The following VWA3B variants were observed in gnomAD, a reference collection of about 807,000 sequenced individuals.
The protein encoded by VWA3B is von Willebrand factor A domain-containing protein 3B.
In VWA3B, 138 loss-of-function variants were observed where a neutral mutation model predicts 158.3. The observed-to-expected ratio is 0.87, with a 90% CI of 0.76 to 1.00. VWA3B has a LOEUF of 1.00. Among genes scored for constraint, VWA3B ranks in the 50% least tolerant of loss-of-function variants. The pLI is 0.00. For missense variants in VWA3B, 1,555 were observed against 1,565.1 expected, an observed-to-expected ratio of 0.99 and a Z score of 0.11; for synonymous variants, 596 against 587.3, an observed-to-expected ratio of 1.01 and a Z score of -0.21.
At chr2:98,231,955 T>A (rs879640476) in intron 16 of VWA3B, among the ~76,000 whole-genome samples, 3 of 152,210 alleles carry the variant, frequency 2.0e-5, no homozygotes, top group Non-Finnish European at 4.4e-5. Flanking sequence ...ATAGTTCTTT[T>A]AATTTTTCTT....
the VWA3B span, among the ~76,000 whole-genome samples, chr2:98,321,704 C>T: frequency 6.6e-6 from 1 of 152,162 alleles, no homozygotes; most frequent in South Asian, 2.1e-4. Flanking sequence ...ATGGACTTGC[C>T]TTGTGTCAGA....
chr2:98,147,814 T>TA (rs1677289453), intron 7 of VWA3B, among the ~76,000 whole-genome samples: 1 of 152,118 alleles, frequency 6.6e-6, no homozygotes, highest in South Asian at 2.1e-4. Context: ...ACTCGTCATT[T>TA]ACATTAGGTA....
Position 98,128,262 on chromosome 2 carries a change from G to C in VWA3B, c.726G>C (p.Val242=). The part of the protein sequence containing the change: ...DKTIESIYYF[V]VGDVPEESKE... ...AGATTGAATCCATTTACTACTTTGT[G>C]GTGGGGGATGTTCCTGAAGAATCCA... The change falls in exon 6 of 28, where the codon GTG becomes GTC. Residue 242 remains valine, a synonymous_variant. Transcript: ENST00000477737. 1 of 1,614,156 alleles carries C rather than the reference G, an allele frequency of 6.2e-7. No homozygotes were observed. The highest frequency in any genetic ancestry group is 8.5e-7 in the Non-Finnish European group (1 of 1,180,012).
chr2:98,220,449 C>T (rs1034765186), intron 14 of VWA3B, among the ~76,000 whole-genome samples: 3 of 152,158 alleles, frequency 2.0e-5, no homozygotes, highest in African/African-American at 4.8e-5. Flanking sequence ...TGTAGGTCCA[C>T]CATCTCAAAA....
rs372585230 is a variant in VWA3B at position 98,121,288 on chromosome 2, A to G, written c.543-11A>G. 34 of 1,610,406 alleles carry G rather than the reference A, an allele frequency of 2.1e-5. No homozygotes were observed. In the East Asian group the frequency reaches 6.5e-4, roughly 31 times the overall value. On this transcript the variant is annotated splice_polypyrimidine_tract_variant and intron_variant, in intron 4 of 27. Coordinates refer to ENST00000477737, the MANE Select transcript of VWA3B (RefSeq NM_144992.5). ...CACTGCCCAGTGACCACTCCATGTG[A>G]TCCTTTTCAGGGTTTCTCAAGAGCC...
chr2:98,297,991 T>A lies in VWA3B; in HGVS notation c.3242T>A (p.Ile1081Asn). The A allele has an allele frequency of 6.3e-7, 1 of 1,588,138 alleles. No homozygotes were observed. Residue 1081 changes from isoleucine to asparagine, a missense_variant, in exon 24 of 28, where the codon ATC (isoleucine) becomes AAC (asparagine). By Grantham distance (149) the Ile-to-Asn change is moderately radical (BLOSUM62 -3). Transcript: ENST00000477737. ...GDTKVVSTSF[I>N]TPVGGAMPCP... Reference sequence around the variant, plus strand: ...ACCAAGGTCGTGTCCACCTCCTTCATCACGCCTGTGGGGGGCGCCATGCCC... The same window carrying A: ...ACCAAGGTCGTGTCCACCTCCTTCAACACGCCTGTGGGGGGCGCCATGCCC...
chr2:98,252,150 G>A (rs1473975247), intron 20 of VWA3B, among the ~76,000 whole-genome samples: 1 of 152,040 alleles, frequency 6.6e-6, no homozygotes, highest in African/African-American at 2.4e-5. Flanking sequence ...CACCCTTCGT[G>A]TGGCCCTCAG....
the VWA3B span, among the ~76,000 whole-genome samples, chr2:98,326,339 A>T: frequency 6.8e-4 from 103 of 152,374 alleles, 1 homozygote; most frequent in African/African-American, 2.2e-3. Context: ...CAAAACTGAC[A>T]TAAAATGAAA....
chr2:98,166,948 T>C (rs1160724921), intron 8 of VWA3B, among the ~76,000 whole-genome samples: 1 of 152,172 alleles, frequency 6.6e-6, no homozygotes, highest in Non-Finnish European at 1.5e-5. Flanking sequence ...ATCTCAGCTT[T>C]CGTAGCTTCA....
chr2:98,255,180 A>ATTTTTTTTTTTTTTTT (rs1302034902), intron 20 of VWA3B, among the ~76,000 whole-genome samples: 3 of 65,934 alleles, frequency 4.6e-5, no homozygotes, highest in African/African-American at 1.3e-4. Flanking sequence ...CGCCCGGCTG[A>ATTTTTTTTTTTTTTTT]TATTTTTTTT....
intron 9 of VWA3B, among the ~76,000 whole-genome samples, chr2:98,181,925 G>A (rs183248323): frequency 2.6e-5 from 4 of 152,354 alleles, no homozygotes; most frequent in Admixed American, 2.6e-4. Flanking sequence ...AAGCAGAGAG[G>A]TGTAGAACAG....
At chr2:98,327,693 A>C in the VWA3B span, among the ~76,000 whole-genome samples, 1 of 152,212 alleles carries the variant, frequency 6.6e-6, no homozygotes, top group South Asian at 2.1e-4. Flanking sequence ...AAATCAGTCA[A>C]AGACAACCTC....
intron 23 of VWA3B, among the ~76,000 whole-genome samples, chr2:98,292,291 A>G (rs1311637936): frequency 6.6e-6 from 1 of 152,132 alleles, no homozygotes; most frequent in Non-Finnish European, 1.5e-5. Flanking sequence ...GGCATGATCT[A>G]TCTATCAACA....
At chr2:98,208,563 A>G (rs1683220645) in intron 12 of VWA3B, among the ~76,000 whole-genome samples, 1 of 152,088 alleles carries the variant, frequency 6.6e-6, no homozygotes, top group South Asian at 2.1e-4. Context: ...ATTTCCTTAT[A>G]CATATATGTA....
At chr2:98,317,191 G>A (rs1691104772), downstream of VWA3B, among the ~76,000 whole-genome samples, 1 of 152,204 alleles carries the variant, frequency 6.6e-6, no homozygotes. Context: ...TTTTAGATAG[G>A]ATGACTGAAC....
intron 23 of VWA3B, among the ~76,000 whole-genome samples, chr2:98,294,882 C>T (rs1689709371): frequency 6.6e-6 from 1 of 152,204 alleles, no homozygotes; most frequent in Non-Finnish European, 1.5e-5. Context: ...CTGTCTTCTC[C>T]AACGGGATTT....
At chr2:98,133,992 C>A in intron 7 of VWA3B, 53 bp downstream of exon 7, 1 of 1,444,798 alleles carries the variant, frequency 6.9e-7, no homozygotes, top group Non-Finnish European at 9.7e-7. Context: ...TAGCCTCAGA[C>A]GACGTGGATC....
At chr2:98,239,715 C>T (rs1382028045) in intron 19 of VWA3B, among the ~76,000 whole-genome samples, 1 of 151,810 alleles carries the variant, frequency 6.6e-6, no homozygotes, top group Non-Finnish European at 1.5e-5. Flanking sequence ...AGATCGAGAC[C>T]ATCCTGGCCA....
intron 22 of VWA3B, among the ~76,000 whole-genome samples, chr2:98,282,439 T>C (rs531213592): frequency 8.8e-6 from 1 of 113,898 alleles, no homozygotes; most frequent in Non-Finnish European, 2.3e-5. Flanking sequence ...TTACTTTTTT[T>C]TTTTTTTTTT....
Sources: gnomAD v4.1 joint callset for allele counts (sites outside exome capture counted in the v4.1 genomes callset) on GRCh38, gnomAD v4.1.1 for gene constraint, MANE v1.5 for transcripts, NCBI Gene and HGNC (gene_info 2026-07-23, HGNC 2026-07-21) for gene names.